The following FOXP1 variants were observed in gnomAD, a reference collection of about 807,000 sequenced individuals.
The protein encoded by FOXP1 is forkhead box P1, also known as forkhead box protein P1.
A neutral mutation model predicts 98.2 loss-of-function variants in FOXP1; 15 were observed. The ratio of observed to expected loss-of-function variants is 0.15; its 90% CI spans 0.10 to 0.24. The LOEUF is 0.24. FOXP1 is among the 10% of genes least tolerant of loss of function. The pLI is 1.00. For missense variants in FOXP1, 633 were observed against 848.5 expected (o/e 0.75, Z 3.15); for synonymous variants, 371 against 314.5 (o/e 1.18, Z -1.90).
At chr3:71,348,747 T>G (rs1256966598) in intron 4 of FOXP1, among the ~76,000 whole-genome samples, 2 of 151,856 alleles carry the variant, frequency 1.3e-5, no homozygotes, top group Non-Finnish European at 2.9e-5. Context: ...TTAACACAGG[T>G]TTTAGGATTC....
intron 6 of FOXP1, among the ~76,000 whole-genome samples, chr3:71,184,816 C>T (rs1421777463): frequency 2.0e-5 from 3 of 151,008 alleles, no homozygotes; most frequent in Non-Finnish European, 4.4e-5. Context: ...ATTACACATA[C>T]AAACACACTT....
At chr3:71,455,506 A>G (rs1266878516) in intron 3 of FOXP1, among the ~76,000 whole-genome samples, 1 of 152,230 alleles carries the variant, frequency 6.6e-6, no homozygotes, top group East Asian at 1.9e-4. Flanking sequence ...ATGTTTAAGA[A>G]AAGACTGCTT....
chr3:71,224,009 A>G (rs2065632329), intron 5 of FOXP1, among the ~76,000 whole-genome samples: 1 of 152,304 alleles, frequency 6.6e-6, no homozygotes, highest in Non-Finnish European at 1.5e-5. Flanking sequence ...CTTCCTCCTC[A>G]TAGACTAAGG....
intron 11 of FOXP1, among the ~76,000 whole-genome samples, chr3:71,034,666 T>C (rs996297877): frequency 2.6e-5 from 4 of 152,210 alleles, no homozygotes; most frequent in African/African-American, 9.6e-5. Flanking sequence ...TGCATTCTCA[T>C]CACCACCATC....
intron 6 of FOXP1, among the ~76,000 whole-genome samples, chr3:71,139,363 G>A (rs1437046905): frequency 6.6e-6 from 1 of 152,026 alleles, no homozygotes; most frequent in Non-Finnish European, 1.5e-5. Flanking sequence ...GAGAAGATAG[G>A]AATGCAGCTT....
chr3:71,245,886 T>C (rs1226497602), intron 5 of FOXP1, among the ~76,000 whole-genome samples: 5 of 148,326 alleles, frequency 3.4e-5, no homozygotes, highest in African/African-American at 1.3e-4. Flanking sequence ...TAAAAAATAT[T>C]ATGAAGAATG....
At chr3:71,226,471 C>T (rs1167224363) in intron 5 of FOXP1, among the ~76,000 whole-genome samples, 5 of 149,016 alleles carry the variant, frequency 3.4e-5, no homozygotes, top group African/African-American at 1.2e-4. Context: ...TGAAAATGCC[C>T]GTCACCTATG....
At chr3:71,401,799 C>G (rs2081972436) in intron 3 of FOXP1, among the ~76,000 whole-genome samples, 1 of 152,210 alleles carries the variant, frequency 6.6e-6, no homozygotes, top group African/African-American at 2.4e-5. Flanking sequence ...CGGGATATCT[C>G]TCTTCAAACA....
intron 2 of FOXP1, among the ~76,000 whole-genome samples, chr3:71,546,781 G>A (rs992532721): frequency 2.6e-5 from 4 of 152,214 alleles, no homozygotes; most frequent in East Asian, 1.9e-4. Flanking sequence ...CACTCTAAAC[G>A]GACGATGATT....
intron 2 of FOXP1, among the ~76,000 whole-genome samples, chr3:71,559,959 C>A (rs189942431): frequency 5.3e-4 from 80 of 152,226 alleles, no homozygotes; most frequent in Admixed American, 2.0e-3. Context: ...GCTTACATGG[C>A]AGAACATAAA....
At chr3:71,554,748 T>A (rs2046008483) in intron 2 of FOXP1, among the ~76,000 whole-genome samples, 1 of 152,236 alleles carries the variant, frequency 6.6e-6, no homozygotes, top group South Asian at 2.1e-4. Flanking sequence ...AAATTCAATC[T>A]AAATGAAAAG....
intron 2 of FOXP1, chr3:71,543,450 T>C (rs2045053821): frequency 1.3e-5 from 2 of 152,512 alleles, no homozygotes. Flanking sequence ...TGGCGACTCC[T>C]GCTGCACAGT....
chr3:71,374,476 C>T (rs1282611455), intron 3 of FOXP1, among the ~76,000 whole-genome samples: 1 of 151,964 alleles, frequency 6.6e-6, no homozygotes, highest in South Asian at 2.1e-4. Context: ...ACCTGTAATC[C>T]CAGCTACTTG....
intron 4 of FOXP1, among the ~76,000 whole-genome samples, chr3:71,315,090 A>AAAG (rs2074985433): frequency 1.0e-5 from 1 of 97,660 alleles, no homozygotes; most frequent in African/African-American, 2.9e-5. Context: ...AAAAAAAAAA[A>AAAG]AAAAAAAAAA....
At chr3:71,433,672 G>C (rs2084940220) in intron 3 of FOXP1, among the ~76,000 whole-genome samples, 1 of 152,162 alleles carries the variant, frequency 6.6e-6, no homozygotes, top group Admixed American at 6.5e-5. Context: ...GGTGAGATAA[G>C]TTCTCCCCAG....
At chr3:71,137,480 T>G (rs1560006430) in intron 6 of FOXP1, among the ~76,000 whole-genome samples, 1 of 152,168 alleles carries the variant, frequency 6.6e-6, no homozygotes, top group Non-Finnish European at 1.5e-5. Context: ...ATTAATATTT[T>G]GGGGAACATT....
chr3:71,549,860 T>TAAAA (rs55826932), intron 2 of FOXP1, among the ~76,000 whole-genome samples: 4 of 59,938 alleles, frequency 6.7e-5, no homozygotes, highest in South Asian at 7.6e-4. Context: ...ATGCTGGGAG[T>TAAAA]AAAAAAAAAA....
chr3:71,583,583 G>T lies in FOXP1; in HGVS notation c.-459C>A, dbSNP rs1394640624. The T allele has an allele frequency of 1.0e-6, 1 of 984,018 alleles. No homozygotes were observed. 61.0% of individuals were successfully genotyped at this position (984,018 alleles called of 1,614,324 possible). On this transcript the variant is annotated 5_prime_UTR_variant, in exon 1 of 21. Transcript: ENST00000649528. Reference sequence around the variant, plus strand: ...AATACAAACTCACCCGCTGCAAATGGTCTCTCGGTGCAAACTAAGGTGTTT... The same window carrying T: ...AATACAAACTCACCCGCTGCAAATGTTCTCTCGGTGCAAACTAAGGTGTTT...
Position 71,448,793 on chromosome 3 carries a change from C to T in FOXP1, c.-168+44633G>A, listed in dbSNP as rs183040657. Among the ~76,000 whole-genome samples the T allele has an allele frequency of 1.1e-3, 174 of 152,256 alleles. 1 individual carries two copies. Among genetic ancestry groups the T allele is most frequent in the Non-Finnish European group, 1.0e-4 (7 of 68,024 alleles). ...CTTCTCTGTTTTGAATACCAAATTA[C>T]CATTGCCACAATTTCAGAACCAAAT... On this transcript the variant is annotated intron_variant, in intron 3 of 20. Coordinates refer to ENST00000649528, the MANE Select transcript of FOXP1 (RefSeq NM_001349338.3).
Sources: gnomAD v4.1 joint callset for allele counts (sites outside exome capture counted in the v4.1 genomes callset) on GRCh38, gnomAD v4.1.1 for gene constraint, MANE v1.5 for transcripts, NCBI Gene and HGNC (gene_info 2026-07-23, HGNC 2026-07-21) for gene names.